The following SCN3A variants were observed in gnomAD, a reference collection of about 807,000 sequenced individuals.
The protein encoded by SCN3A is sodium channel protein type 3 subunit alpha.
SCN3A carries 60 observed loss-of-function variants against 187.6 expected under a neutral mutation model. The observed-to-expected ratio is 0.32, with a 90% CI of 0.26 to 0.40. SCN3A has a LOEUF of 0.40. Among genes scored for constraint, SCN3A ranks in the 10% least tolerant of loss-of-function variants. The pLI, the probability that SCN3A is intolerant of heterozygous loss-of-function variation, is 1.00. For synonymous variants in SCN3A, 788 were observed against 829.2 expected (o/e 0.95, Z 0.85); for missense variants, 1,601 against 2,428.2 (o/e 0.66, Z 7.16).
intron 1 of SCN3A, among the ~76,000 whole-genome samples, chr2:165,194,223 C>T (rs1428703870): frequency 6.6e-6 from 1 of 152,056 alleles, no homozygotes; most frequent in African/African-American, 2.4e-5. Context: ...CATGAGATCT[C>T]AGATGTTTCG....
rs116627269 is a variant in SCN3A, at chr2:165,185,844, G to C, written c.-51+707C>G. Reference sequence around the variant, plus strand: ...CCAAGTACTCACCACATATTTGGATGATCTTTACCCCATACAGTCAGGTGA... The same window carrying C: ...CCAAGTACTCACCACATATTTGGATCATCTTTACCCCATACAGTCAGGTGA... On this transcript the variant is annotated intron_variant, in intron 2 of 27. Transcript: ENST00000283254. Among the ~76,000 whole-genome samples the C allele has an allele frequency of 7.5e-3, 1,147 of 152,194 alleles. 21 individuals carry two copies. Among genetic ancestry groups the C allele is most frequent in the African/African-American group, 0.026 (1,089 of 41,526 alleles).
At chr2:165,189,075 G>GA (rs796169665) in intron 1 of SCN3A, among the ~76,000 whole-genome samples, 2 of 152,018 alleles carry the variant, frequency 1.3e-5, no homozygotes, top group African/African-American at 4.8e-5. Flanking sequence ...CAGTAACTAA[G>GA]AAAAAATTGA....
intron 1 of SCN3A, among the ~76,000 whole-genome samples, chr2:165,197,703 C>A (rs1051237357): frequency 6.0e-5 from 9 of 150,278 alleles, no homozygotes; most frequent in Admixed American, 2.0e-4. Context: ...AGTTCTCATT[C>A]CAGGTATATA....
intron 21 of SCN3A, among the ~76,000 whole-genome samples, chr2:165,112,002 G>A (rs553753845): frequency 3.3e-4 from 50 of 152,288 alleles, no homozygotes; most frequent in African/African-American, 1.1e-3. Flanking sequence ...GAAAAAGAAC[G>A]AGGCACACAT....
intron 24 of SCN3A, among the ~76,000 whole-genome samples, chr2:165,095,918 T>C (rs1685344522): frequency 6.6e-6 from 1 of 152,128 alleles, no homozygotes; most frequent in Non-Finnish European, 1.5e-5. Flanking sequence ...AGGGAAAACA[T>C]TTTGAGCCTA....
rs1471853642 is a variant in SCN3A at position 165,162,593 on chromosome 2, C to T, written c.930G>A (p.Met310Ile). ...TGTAATCCTTCCAGTTAAATGTGCT[C>T]ATTGTTACATTAACAAATGTCCCAT... is the stretch of plus-strand genomic sequence containing the variant. ...DSNGTFVNVT[M>I]STFNWKDYIG... The change falls in exon 8 of 28, where the codon ATG (methionine) becomes ATA (isoleucine). Residue 310 changes from methionine (M) to isoleucine (I), a missense_variant. Transcript: ENST00000283254. 5.0e-6 allele frequency: 8 copies of T among 1,614,002 alleles called. No individual in the cohort carries two copies. The highest frequency in any genetic ancestry group is 4.4e-5 in the South Asian group (4 of 91,070).
intron 5 of SCN3A, among the ~76,000 whole-genome samples, chr2:165,165,519 A>G (rs893137970): frequency 2.6e-5 from 4 of 152,080 alleles, no homozygotes; most frequent in African/African-American, 9.7e-5. Flanking sequence ...AATGTCATGT[A>G]TTTCTAGCCC....
chr2:165,170,616 GAA>G (rs1381707604), intron 3 of SCN3A, 68 bp from the exon 4 acceptor site: 19 of 943,404 alleles, frequency 2.0e-5, no homozygotes, highest in Non-Finnish European at 3.3e-5. Flanking sequence ...TTACATACAT[GAA>G]GAACTTTTTA....
chr2:165,102,072 T>A (rs1685630908), intron 21 of SCN3A, among the ~76,000 whole-genome samples: 1 of 152,204 alleles, frequency 6.6e-6, no homozygotes, highest in South Asian at 2.1e-4. Context: ...TCAGGAGGAA[T>A]TAACAGCTTC....
chr2:165,139,968 T>G (rs1253643132), intron 13 of SCN3A, among the ~76,000 whole-genome samples: 1 of 152,188 alleles, frequency 6.6e-6, no homozygotes, highest in Non-Finnish European at 1.5e-5. Flanking sequence ...CAATGATTAA[T>G]AATCAGATCA....
rs781561214 is a variant in SCN3A at position 165,094,466 on chromosome 2, C to T, written c.4444G>A (p.Asp1482Asn). 2 of 1,610,844 alleles carry T rather than the reference C, an allele frequency of 1.2e-6. No individual in the cohort carries two copies. Among genetic ancestry groups the T allele is most frequent in the South Asian group, 2.2e-5 (2 of 90,988 alleles). ...TTCTGTTCCTCTGTCATAAAGATGT[C>T]TTGACCTCCAAAGTAAAGACATAGT... Reference protein sequence around the residue: ...NQQKKKFGGQDIFMTEEQKKY... With the variant: ...NQQKKKFGGQNIFMTEEQKKY... The change falls in exon 26 of 28, where the codon GAC (aspartate) becomes AAC (asparagine). Residue 1482 changes from aspartate to asparagine, a missense_variant. Physicochemically the swap from Asp to Asn is conservative, Grantham distance 23 (BLOSUM62 1). Around this residue, in one of 11 missense-constraint regions of SCN3A, gnomAD observed 320 missense variants for 623.2 expected, o/e 0.51. Coordinates refer to ENST00000283254, the MANE Select transcript of SCN3A (RefSeq NM_006922.4).
At chr2:165,174,995 G>A (rs1026427425) in intron 3 of SCN3A, among the ~76,000 whole-genome samples, 1 of 152,148 alleles carries the variant, frequency 6.6e-6, no homozygotes, top group Admixed American at 6.6e-5. Context: ...CCAGACCTAT[G>A]GATTCAGAAT....
In SCN3A at chr2:165,097,338, G is replaced by C. The variant is rs534313591; in HGVS notation, c.4153C>G (p.Gln1385Glu). Residue 1385 changes from glutamine to glutamate, a missense_variant, in exon 23 of 28, where the codon CAG becomes GAG. By Grantham distance (29) the Gln-to-Glu change is conservative (BLOSUM62 2). Coordinates refer to ENST00000283254, the MANE Select transcript of SCN3A (RefSeq NM_006922.4). ...ISDVNNLSDC[Q>E]ALGKQARWKN... is the part of the protein sequence containing the mutation. ...CACCGAGCTTGCTTGCCAAGAGCCTGACAGTCACTCAAATTGTTAACATCA... is the reference window on the plus strand; with the variant it reads ...CACCGAGCTTGCTTGCCAAGAGCCTCACAGTCACTCAAATTGTTAACATCA... 9.0e-5 allele frequency: 145 copies of C among 1,614,034 alleles called. 3 individuals are homozygous for C. In the South Asian group the frequency reaches 1.5e-3, roughly 17 times the overall value.
rs749411759 is a variant in SCN3A, at chr2:165,154,485, G to A, written c.1347C>T (p.Leu449=). The change falls in exon 11 of 28, where the codon CTC becomes CTT. Residue 449 remains leucine, a synonymous_variant. Transcript: ENST00000283254. ...EQKEAEFQQM[L]EQLKKQQEEA... is the part of the protein sequence containing the mutation. The stretch of plus-strand genomic sequence containing the variant: ...CTTCCTGTTGCTTTTTAAGCTGTTC[G>A]AGCATCTGCTGAAATTCGGCCTCTT... 6 of 1,613,842 alleles carry A rather than the reference G, an allele frequency of 3.7e-6. No homozygotes were observed. The highest frequency in any genetic ancestry group is 3.3e-5 in the South Asian group (3 of 91,082).
rs567389772 is a variant in SCN3A, at chr2:165,095,310, A to G, written c.4431+201T>C. On this transcript the variant is annotated intron_variant, in intron 25 of 27. Coordinates refer to ENST00000283254, the MANE Select transcript of SCN3A (RefSeq NM_006922.4). ...GAAGGAGTGGACACATTTTTGGGTCAGAAAGCTATCCAATAGATAAACTTT... is the reference window on the plus strand; with the variant it reads ...GAAGGAGTGGACACATTTTTGGGTCGGAAAGCTATCCAATAGATAAACTTT... Among the ~76,000 whole-genome samples the G allele has an allele frequency of 5.3e-5, 8 of 152,326 alleles. No homozygotes were observed. In the East Asian group the frequency reaches 1.5e-3, roughly 29 times the overall value.
At chr2:165,105,366 GA>G (rs1685799666) in intron 21 of SCN3A, among the ~76,000 whole-genome samples, 1 of 152,090 alleles carries the variant, frequency 6.6e-6, no homozygotes, top group Non-Finnish European at 1.5e-5. Flanking sequence ...TAATAGTACT[GA>G]GGGGCTTAAA....
chr2:165,130,947 C>T (rs1419315316), intron 16 of SCN3A, among the ~76,000 whole-genome samples: 2 of 151,932 alleles, frequency 1.3e-5, no homozygotes, highest in Middle Eastern at 3.2e-3. Context: ...TTTTTATTTG[C>T]GTATCTTTAC....
intron 3 of SCN3A, among the ~76,000 whole-genome samples, chr2:165,175,903 T>C (rs550990097): frequency 6.6e-6 from 1 of 152,306 alleles, no homozygotes; most frequent in South Asian, 2.1e-4. Flanking sequence ...CACTGTGAAA[T>C]TGTAGAAATC....
intron 11 of SCN3A, among the ~76,000 whole-genome samples, chr2:165,149,090 G>T (rs924464616): frequency 6.6e-6 from 1 of 151,798 alleles, no homozygotes; most frequent in Non-Finnish European, 1.5e-5. Flanking sequence ...ATCATTTATT[G>T]ACTTGTTTGT....
Sources: allele counts gnomAD v4.1 joint callset (sites outside exome capture counted in the v4.1 genomes callset), GRCh38; gene constraint gnomAD v4.1.1; regional missense constraint gnomAD v4.1.1; transcripts MANE v1.5; gene names NCBI Gene and HGNC (gene_info 2026-07-23, HGNC 2026-07-21).